Variants in CHD5 observed in about 807,000 individuals in gnomAD.
The protein encoded by CHD5 is ATP-dependent chromatin remodeler CHD5.
In CHD5, 69 loss-of-function variants were observed where a neutral mutation model predicts 230.3. The ratio of observed to expected loss-of-function variants is 0.30; its 90% CI spans 0.25 to 0.37. The LOEUF (loss-of-function observed/expected upper bound fraction) is 0.37. CHD5 is among the 10% of genes least tolerant of loss of function. CHD5 has a pLI of 1.00. For synonymous variants in CHD5, 1,064 were observed against 1,065.9 expected (o/e 1.00, Z 0.03); for missense variants, 1,827 against 2,622.8 (o/e 0.70, Z 6.63).
chr1:6,169,717 C>T (rs919514362), intron 1 of CHD5, among the ~76,000 whole-genome samples: 5 of 152,184 alleles, frequency 3.3e-5, no homozygotes, highest in Non-Finnish European at 7.3e-5. Context: ...AGGGAAGAAC[C>T]TCCAAGAGTC....
intron 1 of CHD5, among the ~76,000 whole-genome samples, chr1:6,172,722 G>A (rs1667358514): frequency 6.6e-6 from 1 of 152,100 alleles, no homozygotes. Context: ...AGGTGACTCA[G>A]GCTGGTCTGT....
intron 1 of CHD5, among the ~76,000 whole-genome samples, chr1:6,178,983 G>A (rs1667466845): frequency 1.3e-5 from 2 of 152,136 alleles, no homozygotes; most frequent in African/African-American, 2.4e-5. Context: ...AAGCCGAGAA[G>A]TAAGAGTCTC....
chr1:6,144,722 C>T (rs1406112774), intron 11 of CHD5, among the ~76,000 whole-genome samples: 2 of 152,162 alleles, frequency 1.3e-5, no homozygotes, highest in African/African-American at 4.8e-5. Flanking sequence ...TAGGGCCTCC[C>T]ACCCACCCAG....
At position 6,106,606 on chromosome 1, in the gene CHD5, C is replaced by A; in HGVS notation, c.5742+10G>T. 6.4e-7 allele frequency: 1 copy of A among 1,558,336 alleles called. No homozygotes were observed. On this transcript the variant is annotated intron_variant, in intron 39 of 41. Transcript: ENST00000262450. ...GGGGCTCGGGCCGGGGCACACAGGC[C>A]GAGCCTGACCTGCTGGATGGTGGGG...
At chr1:6,117,774 A>C (rs1666400012) in intron 33 of CHD5, among the ~76,000 whole-genome samples, 1 of 152,236 alleles carries the variant, frequency 6.6e-6, no homozygotes, top group Admixed American at 6.5e-5. Context: ...TATAATCAAA[A>C]AGACAGATAA....
chr1:6,116,143 T>G (rs922680911), intron 33 of CHD5, among the ~76,000 whole-genome samples: 16 of 152,224 alleles, frequency 1.1e-4, no homozygotes, highest in Non-Finnish European at 1.6e-4. Context: ...TGTTCCCCAG[T>G]GGAATACAAA....
chr1:6,180,179 A>AC lies in CHD5; in HGVS notation c.-157dup, dbSNP rs1474159708. The AC allele has an allele frequency of 2.0e-3, 55 of 27,790 alleles. No individual in the cohort carries two copies. Among genetic ancestry groups the AC allele is most frequent in the Admixed American group, 9.0e-3 (20 of 2,220 alleles). 1.7% of individuals were successfully genotyped at this position (27,790 alleles called of 1,614,324 possible). On this transcript the variant is annotated 5_prime_UTR_variant, in exon 1 of 42. Coordinates refer to ENST00000262450, the MANE Select transcript of CHD5 (RefSeq NM_015557.3). ...TGCCCCCCCACCCCCCCAAACCTCC[A>AC]CCCCCCCGTCTCGACCCCCCTTTCT...
chr1:6,112,693 G>T (rs1666312608), intron 34 of CHD5, among the ~76,000 whole-genome samples: 1 of 152,198 alleles, frequency 6.6e-6, no homozygotes, highest in African/African-American at 2.4e-5. Context: ...TCTCTTAGCG[G>T]CAAGGGCACA....
intron 2 of CHD5, among the ~76,000 whole-genome samples, chr1:6,166,062 G>A (rs1176662628): frequency 2.0e-5 from 3 of 151,944 alleles, no homozygotes; most frequent in Non-Finnish European, 4.4e-5. Context: ...AGTGGTAAGG[G>A]GGGGTTCCCG....
intron 2 of CHD5, among the ~76,000 whole-genome samples, chr1:6,161,889 C>T (rs377466738): frequency 6.6e-6 from 1 of 152,190 alleles, no homozygotes; most frequent in South Asian, 2.1e-4. Context: ...AGAGAGCAAA[C>T]CCCACAAACC....
At chr1:6,137,737 T>TG (rs1323764933) in intron 15 of CHD5, among the ~76,000 whole-genome samples, 1 of 152,264 alleles carries the variant, frequency 6.6e-6, no homozygotes, top group Non-Finnish European at 1.5e-5. Context: ...AAAGGGACCC[T>TG]GCACTTGGGG....
rs898179273 is a variant in CHD5, at chr1:6,130,065, G to A, written c.3387+139C>T. On this transcript the variant is annotated intron_variant, in intron 22 of 41. Coordinates refer to ENST00000262450, the MANE Select transcript of CHD5 (RefSeq NM_015557.3). The surrounding 1 kb of genome is among the most constrained non-coding windows in gnomAD (Gnocchi z 4.9). ...CACTCCCAGAGCCCCTCTTGGGGCC[G>A]AGACTCCACGGGGGAGGGAGGCCCA... is the stretch of plus-strand genomic sequence containing the variant. 5 of 980,528 alleles carry A rather than the reference G, an allele frequency of 5.1e-6. No homozygotes were observed. Among genetic ancestry groups the A allele is most frequent in the South Asian group, 1.5e-5 (1 of 66,874 alleles). The allele number at this position is 980,528 out of a possible 1,614,324, so 60.7% of individuals were successfully genotyped here. A position where few individuals can be genotyped will look rare whatever the true frequency, so the allele number is the denominator to read the frequency against.
rs1274474589 is a variant in CHD5, at chr1:6,142,630, C to T, written c.2044-25G>A. 2 of 1,593,526 alleles carry T rather than the reference C, an allele frequency of 1.3e-6. No individual in the cohort carries two copies. Among genetic ancestry groups the T allele is most frequent in the South Asian group, 1.1e-5 (1 of 88,118 alleles). ...GCTGCAGGGGAGGCAGCGGTTCAGA[C>T]ACGCCCCAGATCCTGGGCCACCAGA... On this transcript the variant is annotated intron_variant, in intron 13 of 41. Transcript: ENST00000262450. The surrounding 1 kb of genome is among the most constrained non-coding windows in gnomAD (Gnocchi z 5.2).
At chr1:6,169,774 G>A (rs892391347) in intron 1 of CHD5, among the ~76,000 whole-genome samples, 3 of 152,142 alleles carry the variant, frequency 2.0e-5, no homozygotes, top group African/African-American at 7.2e-5. Flanking sequence ...CCAGCCTGCG[G>A]CCCCAGCGCC....
intron 20 of CHD5, among the ~76,000 whole-genome samples, chr1:6,132,268 G>T (rs1365803027): frequency 6.6e-6 from 1 of 152,164 alleles, no homozygotes; most frequent in African/African-American, 2.4e-5. Context: ...AGTTTAGCTG[G>T]ATATAAAACT....
rs1666699360 is a variant in CHD5, at chr1:6,134,042, C to A, written c.3144+86G>T. ...GAACGGCACTGGGCCCTGAGGGGTG[C>A]CAGCAAGTTTGCGCCCCCAAGCATC... On this transcript the variant is annotated intron_variant, in intron 20 of 41. Coordinates refer to ENST00000262450, the MANE Select transcript of CHD5 (RefSeq NM_015557.3). The surrounding 1 kb of genome is among the most constrained non-coding windows in gnomAD (Gnocchi z 6.3). 1.4e-5 allele frequency: 19 copies of A among 1,376,858 alleles called. No homozygotes were observed. Among genetic ancestry groups the A allele is most frequent in the Non-Finnish European group, 1.8e-5 (18 of 996,106 alleles). 85.3% of individuals were successfully genotyped at this position (1,376,858 alleles called of 1,614,324 possible).
At chr1:6,151,604 C>T (rs991579377) in intron 6 of CHD5, among the ~76,000 whole-genome samples, 5 of 152,232 alleles carry the variant, frequency 3.3e-5, no homozygotes, top group Admixed American at 2.0e-4. Flanking sequence ...TGCCAGGTGA[C>T]GAGTGCTACA....
chr1:6,113,166 G>A (rs961904518), intron 33 of CHD5, 168 bp from the exon 34 acceptor site: 5 of 604,638 alleles, frequency 8.3e-6, no homozygotes, highest in African/African-American at 5.6e-5. Context: ...GGCCCATGCT[G>A]TAATCCCAGT....
Position 6,128,878 on chromosome 1 carries a change from G to A in CHD5, c.3579C>T (p.Leu1193=), listed in dbSNP as rs1666607842. The A allele has an allele frequency of 6.2e-7, 1 of 1,613,150 alleles. No homozygotes were observed. Among genetic ancestry groups the A allele is most frequent in the Middle Eastern group, 1.6e-4 (1 of 6,062 alleles). The change falls in exon 23 of 42, where the codon CTC becomes CTT. Residue 1193 remains leucine (L), a synonymous_variant. Coordinates refer to ENST00000262450, the MANE Select transcript of CHD5 (RefSeq NM_015557.3). The surrounding 1 kb of genome is among the most constrained non-coding windows in gnomAD (Gnocchi z 7.8). ...TGAAGAGTTCCTCCGTGCCGAACTT[G>A]AGGATGTCGTCCAGCTCCTGCTTGG... ...SMTKQELDDI[L]KFGTEELFKD...
Sources: gnomAD v4.1 joint callset for allele counts (sites outside exome capture counted in the v4.1 genomes callset) on GRCh38, gnomAD v4.1.1 for gene constraint, Gnocchi (gnomAD v3.1) non-coding constraint, MANE v1.5 for transcripts, NCBI Gene and HGNC (gene_info 2026-07-23, HGNC 2026-07-21) for gene names.